ZNF778: variants seen among roughly 807,000 people sequenced by gnomAD.
ZNF778 encodes the protein zinc finger protein 778.
ZNF778 carries 37 observed loss-of-function variants against 23.9 expected under a neutral mutation model. That is an observed-to-expected ratio of 1.54 (90% CI 1.19 to 2.03). ZNF778 has a LOEUF of 2.03. ZNF778 is among the 30% of genes most tolerant of loss of function. The probability of loss-of-function intolerance (pLI) is 0.00; values close to 1 mark genes in which losing one functional copy is unlikely to be tolerated. For synonymous variants in ZNF778, 483 were observed against 343.9 expected (o/e 1.40, Z -4.48); for missense variants, 1,297 against 934.4 (o/e 1.39, Z -5.06).
chr16:89,232,642 G>GTTTTATTTTTTTT lies in ZNF778; in HGVS notation c.*4084_*4085insATTTTTTTTTTTT. On this transcript the variant is annotated 3_prime_UTR_variant, in exon 7 of 7. Coordinates refer to ENST00000433976, the MANE Select transcript of ZNF778 (RefSeq NM_001201407.2). ...TTAAAGGACCAATTGTATTAATTAT[G>GTTTTATTTTTTTT]TTTTTTTTTTTTTTGTTAGGGTACA... 9.6e-7 allele frequency: 1 copy of GTTTTATTTTTTTT among 1,047,108 alleles called. No homozygotes were observed. The highest frequency in any genetic ancestry group is 1.1e-6 in the Non-Finnish European group (1 of 877,842). The allele number at this position is 1,047,108 out of a possible 1,614,324, so 64.9% of individuals were successfully genotyped here.
At chr16:89,220,367 C>T (rs562032872) in intron 1 of ZNF778, among the ~76,000 whole-genome samples, 9 of 152,204 alleles carry the variant, frequency 5.9e-5, no homozygotes, top group Middle Eastern at 3.4e-3. Context: ...TACAAACTGA[C>T]GAGACCGGGG....
chr16:89,227,977 T>A lies in ZNF778; in HGVS notation c.1689T>A (p.Cys563Ter). 1.3e-6 allele frequency: 2 copies of A among 1,590,042 alleles called. No individual in the cohort carries two copies. Among genetic ancestry groups the A allele is most frequent in the Non-Finnish European group, 1.7e-6 (2 of 1,165,136 alleles). ...ACACAGAGGAGAAGCCCTTTATATG[T>A]ACGGTATGCAGGAAATCCTTCAGAA... ...KTHTEEKPFICTVCRKSFRNS... is the reference protein window; with the variant it reads ...KTHTEEKPFI The change falls in exon 7 of 7, where the codon TGT becomes TGA. Residue 563 changes from cysteine to a stop codon, truncating the protein, a stop_gained. Transcript: ENST00000433976. LOFTEE classifies it low-confidence loss of function (END_TRUNC).
Position 89,232,961 on chromosome 16 carries a change from C to G in ZNF778, c.*4399C>G, listed in dbSNP as rs1178339656. 1 of 1,265,818 alleles carries G rather than the reference C, an allele frequency of 7.9e-7. No individual in the cohort carries two copies. Among genetic ancestry groups the G allele is most frequent in the Non-Finnish European group, 1.0e-6 (1 of 977,580 alleles). The allele number at this position is 1,265,818 out of a possible 1,614,324, so 78.4% of individuals were successfully genotyped here. A position where few individuals can be genotyped will look rare whatever the true frequency, so the allele number is the denominator to read the frequency against. On this transcript the variant is annotated 3_prime_UTR_variant, in exon 7 of 7. Transcript: ENST00000433976. Reference sequence around the variant, plus strand: ...CACTGCCTATGCAACTCAGCTCGCTCTGCGTATGCAACTGAGCTCGCTCTG... The same window carrying G: ...CACTGCCTATGCAACTCAGCTCGCTGTGCGTATGCAACTGAGCTCGCTCTG...
rs199645971 is a variant in ZNF778 at position 89,226,732 on chromosome 16, G to A, written c.444G>A (p.Thr148=). 1,215 of 1,613,642 alleles carry A rather than the reference G, an allele frequency of 7.5e-4. 1 individual carries two copies. Among genetic ancestry groups the A allele is most frequent in the Non-Finnish European group, 9.4e-4 (1,107 of 1,179,650 alleles). ...SHNGGQLCDR[T]QCGEAFSEHS... ...ATGGAGGGCAGCTCTGTGACCGCAC[G>A]CAGTGTGGAGAAGCTTTCAGTGAAC... Residue 148 remains threonine (T), a synonymous_variant, in exon 7 of 7, where the codon ACG becomes ACA. Coordinates refer to ENST00000433976, the MANE Select transcript of ZNF778 (RefSeq NM_001201407.2).
rs2031744264 is a variant in ZNF778, at chr16:89,228,922, C to T, written c.*360C>T. On this transcript the variant is annotated 3_prime_UTR_variant, in exon 7 of 7. Coordinates refer to ENST00000433976, the MANE Select transcript of ZNF778 (RefSeq NM_001201407.2). Reference sequence around the variant, plus strand: ...TGGGAAGTCATTTTTTACATTACATCTTTCCTCACCCTTTAGTAAACGTGG... The same window carrying T: ...TGGGAAGTCATTTTTTACATTACATTTTTCCTCACCCTTTAGTAAACGTGG... 3 of 1,010,334 alleles carry T rather than the reference C, an allele frequency of 3.0e-6. No homozygotes were observed. Among genetic ancestry groups the T allele is most frequent in the African/African-American group, 1.7e-5 (1 of 58,112 alleles). The allele number at this position is 1,010,334 out of a possible 1,614,324, so 62.6% of individuals were successfully genotyped here.
chr16:89,223,046 A>T, intron 3 of ZNF778, 111 bp from the exon 4 acceptor site: 3 of 1,305,308 alleles, frequency 2.3e-6, no homozygotes, highest in Non-Finnish European at 3.1e-6. Context: ...GCCATGGGGT[A>T]GACAGTAGGA....
chr16:89,222,154 G>T lies in ZNF778; in HGVS notation c.88G>T (p.Val30Leu). 1.2e-6 allele frequency: 2 copies of T among 1,605,738 alleles called. No individual in the cohort carries two copies. Among genetic ancestry groups the T allele is most frequent in the Non-Finnish European group, 8.5e-7 (1 of 1,174,584 alleles). Residue 30 changes from valine to leucine, a missense_variant, in exon 3 of 7, where the codon GTG (valine) becomes TTG (leucine). Physicochemically the swap from Val to Leu is conservative, Grantham distance 32. Coordinates refer to ENST00000433976, the MANE Select transcript of ZNF778 (RefSeq NM_001201407.2). The part of the protein sequence containing the change: ...HEEQTQAAGM[V>L]AGWLINCYQD... ...AGAACAGACACAGGCAGCAGGGATG[G>T]TGGCTGGCTGGCTGATAAATTGTTA...
In ZNF778 at chr16:89,228,283, G is replaced by A; in HGVS notation, c.1995G>A (p.Arg665=). The A allele has an allele frequency of 6.2e-7, 1 of 1,605,464 alleles. No individual in the cohort carries two copies. Among genetic ancestry groups the A allele is most frequent in the African/African-American group, 1.3e-5 (1 of 74,756 alleles). ...ASSSHLIEHR[R]THTGEKPYIC... ...CCTCACACCTTATCGAACACAGAAGGACTCACACAGGAGAGAAACCTTACA... is the reference window on the plus strand; with the variant it reads ...CCTCACACCTTATCGAACACAGAAGAACTCACACAGGAGAGAAACCTTACA... The change falls in exon 7 of 7, where the codon AGG becomes AGA. Residue 665 remains arginine (R), a synonymous_variant. Transcript: ENST00000433976.
chr16:89,219,368 G>T (rs1317554653), intron 1 of ZNF778, among the ~76,000 whole-genome samples: 2 of 152,190 alleles, frequency 1.3e-5, no homozygotes, highest in South Asian at 4.1e-4. Flanking sequence ...CTATGAACTT[G>T]TAATTGAATT....
At position 89,229,681 on chromosome 16, in the gene ZNF778, AGC is replaced by A. The variant is rs2031804699; in HGVS notation, c.*1121_*1122del. 1 of 978,760 alleles carries A rather than the reference AGC, an allele frequency of 1.0e-6. No individual in the cohort carries two copies. The highest frequency in any genetic ancestry group is 1.9e-5 in the African/African-American group (1 of 53,524). 60.6% of individuals were successfully genotyped at this position (978,760 alleles called of 1,614,324 possible). A position where few individuals can be genotyped will look rare whatever the true frequency, so the allele number is the denominator to read the frequency against. The stretch of plus-strand genomic sequence containing the variant: ...GATCCAGATGTGATCCTGCGTGAGC[AGC>A]GTAGGCTCTGGTTGGTTAGTCTTGA... On this transcript the variant is annotated 3_prime_UTR_variant, in exon 7 of 7. Transcript: ENST00000433976.
chr16:89,227,365 C>A lies in ZNF778; in HGVS notation c.1077C>A (p.Asp359Glu). The A allele has an allele frequency of 6.2e-7, 1 of 1,613,964 alleles. No homozygotes were observed. Among genetic ancestry groups the A allele is most frequent in the Non-Finnish European group, 8.5e-7 (1 of 1,179,868 alleles). Reference protein sequence around the residue: ...LSGLSKHVQTDPGQKPYECKD... With the variant: ...LSGLSKHVQTEPGQKPYECKD... Reference sequence around the variant, plus strand: ...GTCTTTCTAAACACGTCCAAACAGACCCTGGACAGAAGCCCTATGAATGTA... The same window carrying A: ...GTCTTTCTAAACACGTCCAAACAGAACCTGGACAGAAGCCCTATGAATGTA... Residue 359 changes from aspartate to glutamate, a missense_variant, in exon 7 of 7, where the codon GAC becomes GAA. Transcript: ENST00000433976.
rs373180540 is a variant in ZNF778, at chr16:89,221,174, T to C, written c.25+22T>C. On this transcript the variant is annotated intron_variant, in intron 2 of 6. Transcript: ENST00000433976. The stretch of plus-strand genomic sequence containing the variant: ...CACGGTAAGTCCTGGTGGGGCTCCT[T>C]CTCAGAGCCTCTGCTCTAGGTCCTG... 6 of 1,544,846 alleles carry C rather than the reference T, an allele frequency of 3.9e-6. No homozygotes were observed. The African/African-American group carries it at 5.6e-5, about 14-fold the overall frequency.
chr16:89,233,699 G>A lies in ZNF778; in HGVS notation c.*5137G>A. The A allele has an allele frequency of 7.8e-7, 1 of 1,274,480 alleles. No individual in the cohort carries two copies. 78.9% of individuals were successfully genotyped at this position (1,274,480 alleles called of 1,614,324 possible). ...GTATGCAAATCAACTTACTGCATAT[G>A]CAACTCAACTCACTGCGTATGCAAC... is the stretch of plus-strand genomic sequence containing the variant. On this transcript the variant is annotated 3_prime_UTR_variant, in exon 7 of 7. Coordinates refer to ENST00000433976, the MANE Select transcript of ZNF778 (RefSeq NM_001201407.2).
At chr16:89,222,653 T>G (rs556260412) in intron 3 of ZNF778, among the ~76,000 whole-genome samples, 1 of 152,348 alleles carries the variant, frequency 6.6e-6, no homozygotes, top group African/African-American at 2.4e-5. Flanking sequence ...CTTGCACCAC[T>G]GCGCCCAGCC....
chr16:89,222,221 T>C, intron 3 of ZNF778, 38 bp downstream of exon 3: 2 of 1,499,800 alleles, frequency 1.3e-6, no homozygotes, highest in Non-Finnish European at 1.8e-6. Flanking sequence ...AATAACATAC[T>C]GGTATTCAGC....
In ZNF778 at chr16:89,234,581, GGTTTCCACTTCACCT is replaced by G. The variant is rs1274748595; in HGVS notation, c.*6030_*6044del. On this transcript the variant is annotated 3_prime_UTR_variant, in exon 7 of 7. Transcript: ENST00000433976. Reference sequence around the variant, plus strand: ...CACTTGTGACTTAGAAGATTGCAGTGGTTTCCACTTCACCTGTTTCCACTTTTGTGATGATGCCTT... The same window carrying G: ...CACTTGTGACTTAGAAGATTGCAGTGGTTTCCACTTTTGTGATGATGCCTT... The G allele has an allele frequency of 6.2e-6, 1 of 162,504 alleles. No individual in the cohort carries two copies. Among genetic ancestry groups the G allele is most frequent in the African/African-American group, 2.4e-5 (1 of 41,482 alleles). 10.1% of individuals were successfully genotyped at this position (162,504 alleles called of 1,614,324 possible). A position where few individuals can be genotyped will look rare whatever the true frequency, so the allele number is the denominator to read the frequency against.
rs1228839433 is a variant in ZNF778 at position 89,231,673 on chromosome 16, GC to G, written c.*3113del. On this transcript the variant is annotated 3_prime_UTR_variant, in exon 7 of 7. Transcript: ENST00000433976. ...CAAAACCCACAGCCCTGCACCCCTT[GC>G]CTGTAGGAAAATCTGGTAGGAGTTA... 1.3e-5 allele frequency: 2 copies of G among 152,178 alleles called. No individual in the cohort carries two copies. The highest frequency in any genetic ancestry group is 4.8e-5 in the African/African-American group (2 of 41,426). 9.4% of individuals were successfully genotyped at this position (152,178 alleles called of 1,614,324 possible).
At chr16:89,218,484 T>C (rs1411530723) in intron 1 of ZNF778, among the ~76,000 whole-genome samples, 1 of 152,258 alleles carries the variant, frequency 6.6e-6, no homozygotes, top group Non-Finnish European at 1.5e-5. Flanking sequence ...ACAATATTAG[T>C]ATTTCATCTA....
At position 89,236,958 on chromosome 16, in the gene ZNF778, A is replaced by C. The variant is rs1056032307; in HGVS notation, c.*8396A>C. Reference sequence around the variant, plus strand: ...TGTGGTTGGGGGCACCTGTAATCTCAGCTTCTCAGGAGGCTGAGGCAGGAG... The same window carrying C: ...TGTGGTTGGGGGCACCTGTAATCTCCGCTTCTCAGGAGGCTGAGGCAGGAG... On this transcript the variant is annotated 3_prime_UTR_variant, in exon 7 of 7. Transcript: ENST00000433976. The C allele has an allele frequency of 1.3e-5, 2 of 152,148 alleles. No individual in the cohort carries two copies. The highest frequency in any genetic ancestry group is 2.9e-5 in the Non-Finnish European group (2 of 68,044). The allele number at this position is 152,148 out of a possible 1,614,324, so 9.4% of individuals were successfully genotyped here.
Sources: gnomAD v4.1 joint callset for allele counts (sites outside exome capture counted in the v4.1 genomes callset) on GRCh38, gnomAD v4.1.1 for gene constraint, MANE v1.5 for transcripts, NCBI Gene and HGNC (gene_info 2026-07-23, HGNC 2026-07-21) for gene names.